CALCRL: variants seen among roughly 807,000 people sequenced by gnomAD.
The protein encoded by CALCRL is calcitonin gene-related peptide type 1 receptor.
Under a neutral mutation model 60.4 loss-of-function variants are expected in CALCRL, and 27 were observed. The observed-to-expected ratio is 0.45, with a 90% CI of 0.33 to 0.62. The LOEUF (loss-of-function observed/expected upper bound fraction) is 0.62. CALCRL is among the 20% of genes least tolerant of loss of function. The pLI is 0.03. For missense variants in CALCRL, 424 were observed against 540.7 expected, an observed-to-expected ratio of 0.78 and a Z score of 2.14; for synonymous variants, 190 against 182.6, an observed-to-expected ratio of 1.04 and a Z score of -0.33.
At chr2:187,371,536 CAGAGT>C (rs1364223611) in intron 8 of CALCRL, among the ~76,000 whole-genome samples, 1 of 152,016 alleles carries the variant, frequency 6.6e-6, no homozygotes, top group African/African-American at 2.4e-5. Flanking sequence ...GGTACAACAT[CAGAGT>C]AATTAGTAGA....
chr2:187,356,171 A>T (rs1263720054), intron 12 of CALCRL, among the ~76,000 whole-genome samples: 1 of 152,132 alleles, frequency 6.6e-6, no homozygotes, highest in African/African-American at 2.4e-5. Context: ...TATGGAACCA[A>T]AAAAAGAGCC....
intron 1 of CALCRL, among the ~76,000 whole-genome samples, chr2:187,426,874 A>G (rs556958310): frequency 5.3e-5 from 8 of 152,266 alleles, no homozygotes; most frequent in African/African-American, 1.9e-4. Context: ...AGACTTTGAT[A>G]TATATTTTGA....
chr2:187,350,882 A>G (rs764876873), intron 14 of CALCRL, among the ~76,000 whole-genome samples: 1 of 151,714 alleles, frequency 6.6e-6, no homozygotes, highest in East Asian at 1.9e-4. Context: ...ACTTTGTTCA[A>G]TTTTGCCAAA....
chr2:187,346,766 A>T (rs1686294265), intron 14 of CALCRL, among the ~76,000 whole-genome samples: 1 of 151,868 alleles, frequency 6.6e-6, no homozygotes, highest in South Asian at 2.1e-4. Context: ...TTATTAATAG[A>T]ATGAGAAGAC....
intron 8 of CALCRL, among the ~76,000 whole-genome samples, chr2:187,370,898 AT>A (rs1687489170): frequency 6.6e-6 from 1 of 152,218 alleles, no homozygotes; most frequent in Non-Finnish European, 1.5e-5. Context: ...AGAGGGATGG[AT>A]TTTTATGTAC....
At chr2:187,360,544 C>A in intron 10 of CALCRL, 54 bp downstream of exon 10, 1 of 1,469,692 alleles carries the variant, frequency 6.8e-7, no homozygotes, top group Non-Finnish European at 9.2e-7. Context: ...ACCTGGCATC[C>A]TCCAAAGGCT....
chr2:187,440,836 C>T (rs1332469534), intron 1 of CALCRL, among the ~76,000 whole-genome samples: 1 of 151,890 alleles, frequency 6.6e-6, no homozygotes, highest in Non-Finnish European at 1.5e-5. Context: ...ACAGGAAATC[C>T]TTTTGGAAAG....
intron 14 of CALCRL, among the ~76,000 whole-genome samples, chr2:187,347,980 C>T (rs1231093960): frequency 1.3e-5 from 2 of 151,186 alleles, no homozygotes; most frequent in South Asian, 4.2e-4. Flanking sequence ...AACTTCAGCC[C>T]TTTCAAGCTC....
intron 8 of CALCRL, among the ~76,000 whole-genome samples, chr2:187,376,379 G>GT (rs1477189435): frequency 2.0e-5 from 3 of 151,980 alleles, no homozygotes; most frequent in African/African-American, 7.2e-5. Context: ...AACACTCTTG[G>GT]TGTGGTACCT....
chr2:187,409,559 C>G lies in CALCRL; in HGVS notation c.-292-21803G>C, dbSNP rs1036862205. ...AAAAGTTTAACTTTATTCACACATT[C>G]AACAAATGCTTATTGAGCCACTGGT... On this transcript the variant is annotated intron_variant, in intron 1 of 14. Coordinates refer to ENST00000392370, the MANE Select transcript of CALCRL (RefSeq NM_005795.6). Among the ~76,000 whole-genome samples, 11 of 152,180 alleles carry G rather than the reference C, an allele frequency of 7.2e-5. 1 individual carries two copies. Among genetic ancestry groups the G allele is most frequent in the African/African-American group, 2.7e-4 (11 of 41,448 alleles).
rs192265930 is a variant in CALCRL, at chr2:187,397,456, T to C, written c.-292-9700A>G. Among the ~76,000 whole-genome samples, 123 of 151,798 alleles carry C rather than the reference T, an allele frequency of 8.1e-4. 1 individual carries two copies. The highest frequency in any genetic ancestry group is 3.8e-3 in the Admixed American group (58 of 15,172). On this transcript the variant is annotated intron_variant, in intron 1 of 14. Coordinates refer to ENST00000392370, the MANE Select transcript of CALCRL (RefSeq NM_005795.6). ...CTCTAGCAAATTTTTTATAACATTG[T>C]AATCAAATATGGACTTCTTAAAGAA...
At chr2:187,405,543 T>G (rs1689079692) in intron 1 of CALCRL, among the ~76,000 whole-genome samples, 2 of 152,014 alleles carry the variant, frequency 1.3e-5, no homozygotes, top group African/African-American at 4.8e-5. Flanking sequence ...AGGACAGTAT[T>G]GTTAAGGAGG....
chr2:187,346,452 G>T, intron 14 of CALCRL, 53 bp from the exon 15 acceptor site: 1 of 1,295,724 alleles, frequency 7.7e-7, no homozygotes, highest in Non-Finnish European at 1.1e-6. Flanking sequence ...TAATTGAAAT[G>T]AAGACACTGT....
rs900433035 is a variant in CALCRL, at chr2:187,366,816, T to G, written c.501-3314A>C. Among the ~76,000 whole-genome samples, 40 of 152,000 alleles carry G rather than the reference T, an allele frequency of 2.6e-4. 1 individual carries two copies. The highest frequency in any genetic ancestry group is 3.4e-3 in the Middle Eastern group (1 of 292). ...TTCTGTTCCTCTCAGAATTCCATTT[T>G]TTTTACCCTGCTCCCACCTCAATTT... On this transcript the variant is annotated intron_variant, in intron 8 of 14. Transcript: ENST00000392370.
At chr2:187,360,024 A>G (rs113817662) in intron 10 of CALCRL, among the ~76,000 whole-genome samples, 48 of 152,168 alleles carry the variant, frequency 3.2e-4, no homozygotes, top group African/African-American at 1.1e-3. Flanking sequence ...TCATTTCTGC[A>G]CTTCATATTT....
chr2:187,413,501 A>G (rs1424069896), intron 1 of CALCRL, among the ~76,000 whole-genome samples: 1 of 152,174 alleles, frequency 6.6e-6, no homozygotes, highest in African/African-American at 2.4e-5. Context: ...AGAGAATGCG[A>G]TAAGACTATA....
chr2:187,406,776 C>T (rs1689150252), intron 1 of CALCRL, among the ~76,000 whole-genome samples: 1 of 151,898 alleles, frequency 6.6e-6, no homozygotes, highest in African/African-American at 2.4e-5. Flanking sequence ...GACAGTCTTA[C>T]TTGGTTTATT....
intron 8 of CALCRL, among the ~76,000 whole-genome samples, chr2:187,374,648 T>G (rs1336233259): frequency 1.3e-5 from 2 of 152,142 alleles, no homozygotes; most frequent in African/African-American, 2.4e-5. Flanking sequence ...CTCATTTTTT[T>G]GTTTTGTTTT....
At chr2:187,412,333 G>A (rs1424382032) in intron 1 of CALCRL, among the ~76,000 whole-genome samples, 2 of 152,176 alleles carry the variant, frequency 1.3e-5, no homozygotes, top group African/African-American at 2.4e-5. Flanking sequence ...CCAAAGACAA[G>A]AGAAATGATC....
Sources: allele counts gnomAD v4.1 joint callset (sites outside exome capture counted in the v4.1 genomes callset), GRCh38; gene constraint gnomAD v4.1.1; transcripts MANE v1.5; gene names NCBI Gene and HGNC (gene_info 2026-07-23, HGNC 2026-07-21).